LSS: variants seen among roughly 807,000 people sequenced by gnomAD.
LSS encodes lanosterol synthase.
Under a neutral mutation model 110.3 loss-of-function variants are expected in LSS, and 90 were observed. The observed-to-expected ratio is 0.82, with a 90% confidence interval of 0.69 to 0.97. The LOEUF is 0.97. Among genes scored for constraint, LSS ranks in the 50% least tolerant of loss-of-function variants. The pLI is 0.00. For missense variants in LSS, 927 were observed against 990.0 expected, an observed-to-expected ratio of 0.94 and a Z score of 0.85; for synonymous variants, 433 against 400.0, an observed-to-expected ratio of 1.08 and a Z score of -0.98.
chr21:46,221,198 C>T (rs953186171), intron 5 of LSS, among the ~76,000 whole-genome samples: 9 of 141,992 alleles, frequency 6.3e-5, no homozygotes, highest in African/African-American at 1.0e-4. Flanking sequence ...TGGACAGCCC[C>T]GGGCTTGGAG....
chr21:46,215,386 C>T (rs1214581044), intron 8 of LSS, 88 bp from the exon 9 acceptor site: 1 of 766,756 alleles, frequency 1.3e-6, no homozygotes, highest in East Asian at 3.0e-5. Context: ...TGGACTTGCC[C>T]TTCCCAGGGT....
At chr21:46,198,851 A>T (rs2079944326) in intron 17 of LSS, among the ~76,000 whole-genome samples, 1 of 151,480 alleles carries the variant, frequency 6.6e-6, no homozygotes, top group African/African-American at 2.4e-5. Flanking sequence ...AAAAAAAAAA[A>T]ATCTAGACAC....
At chr21:46,211,153 G>A (rs1324674359) in intron 11 of LSS, among the ~76,000 whole-genome samples, 2 of 151,934 alleles carry the variant, frequency 1.3e-5, no homozygotes, top group African/African-American at 4.8e-5. Context: ...TTGAGATGAA[G>A]TCTCGCTCTG....
intron 6 of LSS, among the ~76,000 whole-genome samples, chr21:46,218,514 C>T (rs2080235340): frequency 6.6e-6 from 1 of 151,964 alleles, no homozygotes; most frequent in South Asian, 2.1e-4. Flanking sequence ...ATCCCAGCTA[C>T]TCGGGAGGCA....
Position 46,207,413 on chromosome 21 carries a change from G to A in LSS, c.1467+15C>T. On this transcript the variant is annotated intron_variant, in intron 15 of 21. Transcript: ENST00000397728. ...ACACGAGGTATGGACGGGGCTGCTG[G>A]GACCACAGCCTTACCACAGCCACAG... The A allele has an allele frequency of 6.2e-7, 1 of 1,610,532 alleles. No individual in the cohort carries two copies.
chr21:46,194,241 C>T (rs1361064908), intron 20 of LSS, among the ~76,000 whole-genome samples: 1 of 152,208 alleles, frequency 6.6e-6, no homozygotes, highest in African/African-American at 2.4e-5. Context: ...ACTGACATGG[C>T]TAATGGTGGG....
At chr21:46,195,647 C>T (rs373421743) in intron 19 of LSS, 29 bp downstream of exon 19, 27 of 1,581,014 alleles carry the variant, frequency 1.7e-5, no homozygotes, top group African/African-American at 2.7e-5. Flanking sequence ...TGAGAACCCC[C>T]ACCCACCAGA....
Position 46,228,482 on chromosome 21 carries a change from G to C in LSS, c.132C>G (p.Ala44=), listed in dbSNP as rs750777234. Residue 44 remains alanine (A), a synonymous_variant, in exon 2 of 22, where the codon GCC becomes GCG. Transcript: ENST00000397728. ...CTTCCAGGCCGGTCTGCTCGCGGCC[G>C]GCGCGCTCGTCCTGCAGGTAGGTCC... ...QTWTYLQDER[A]GREQTGLEAY... The C allele has an allele frequency of 2.5e-6, 4 of 1,603,276 alleles. No individual in the cohort carries two copies. The African/African-American group carries it at 4.0e-5, about 16-fold the overall frequency.
chr21:46,206,321 C>G (rs2080048113), intron 16 of LSS, among the ~76,000 whole-genome samples: 1 of 152,178 alleles, frequency 6.6e-6, no homozygotes, highest in African/African-American at 2.4e-5. Context: ...ACAGTCCCCA[C>G]AGTCCCCAAA....
intron 5 of LSS, among the ~76,000 whole-genome samples, chr21:46,221,195 C>T (rs1476039930): frequency 1.4e-5 from 2 of 147,656 alleles, no homozygotes; most frequent in Non-Finnish European, 3.0e-5. Context: ...AGGTGGACAG[C>T]CCCGGGCTTG....
intron 1 of LSS, 43 bp downstream of exon 1, chr21:46,228,689 G>A (rs1230679195): frequency 1.9e-6 from 3 of 1,602,052 alleles, no homozygotes; most frequent in Non-Finnish European, 1.7e-6. Context: ...CAGCACCTAG[G>A]ACCACCCCGC....
rs773761688 is a variant in LSS, at chr21:46,196,256, G to T, written c.1682C>A (p.Thr561Lys). The change falls in exon 18 of 22, where the codon ACG becomes AAG. Residue 561 changes from threonine (T) to lysine (K), a missense_variant. Physicochemically the swap from Thr to Lys is moderately conservative, Grantham distance 78. Transcript: ENST00000397728. Reference sequence around the variant, plus strand: ...CCGCCGACAGAACTCTAAGCCCTGCGTGAGGGTCTCCCTGGAACACGAGAT... The same window carrying T: ...CCGCCGACAGAACTCTAAGCCCTGCTTGAGGGTCTCCCTGGAACACGAGAT... Reference protein sequence around the residue: ...HRAAEIRETLTQGLEFCRRQQ... With the variant: ...HRAAEIRETLKQGLEFCRRQQ... 6.2e-7 allele frequency: 1 copy of T among 1,613,982 alleles called. No individual in the cohort carries two copies. Among genetic ancestry groups the T allele is most frequent in the Non-Finnish European group, 8.5e-7 (1 of 1,180,008 alleles).
At chr21:46,207,979 G>A (rs947087807) in intron 14 of LSS, among the ~76,000 whole-genome samples, 6 of 152,202 alleles carry the variant, frequency 3.9e-5, no homozygotes, top group East Asian at 1.9e-4. Flanking sequence ...GCTACACTTC[G>A]GCTGTCCTTC....
intron 11 of LSS, 44 bp downstream of exon 11, chr21:46,212,981 A>G (rs1164668509): frequency 1.2e-6 from 2 of 1,612,396 alleles, no homozygotes; most frequent in Non-Finnish European, 1.7e-6. Context: ...AAGGGGAGAC[A>G]TGATTGCAAA....
intron 3 of LSS, 28 bp downstream of exon 3, chr21:46,227,524 C>G (rs765782873): frequency 1.9e-6 from 3 of 1,612,982 alleles, no homozygotes; most frequent in Non-Finnish European, 2.5e-6. Context: ...GGTGGCCATA[C>G]CATCAGGCTG....
chr21:46,220,193 C>T (rs1231445860), intron 5 of LSS: 1 of 152,342 alleles, frequency 6.6e-6, no homozygotes, highest in African/African-American at 2.4e-5. Context: ...ATGCAAAAGT[C>T]AATAAAGACC....
rs2080210950 is a variant in LSS at position 46,216,575 on chromosome 21, C to G, written c.648-51G>C. 1 of 1,494,560 alleles carries G rather than the reference C, an allele frequency of 6.7e-7. No homozygotes were observed. The highest frequency in any genetic ancestry group is 9.0e-7 in the Non-Finnish European group (1 of 1,117,148). The allele number at this position is 1,494,560 out of a possible 1,614,324, so 92.6% of individuals were successfully genotyped here. On this transcript the variant is annotated intron_variant, in intron 6 of 21. Coordinates refer to ENST00000397728, the MANE Select transcript of LSS (RefSeq NM_002340.6). This position sits in a 1 kb window ranked among gnomAD's most constrained non-coding sequence, Gnocchi z 4.2. Reference sequence around the variant, plus strand: ...GAGACCCCAAGACTCAAGCCTGCCCCCTCCGCCAGCATCCATACCTTGGGC... The same window carrying G: ...GAGACCCCAAGACTCAAGCCTGCCCGCTCCGCCAGCATCCATACCTTGGGC...
rs1457409170 is a variant in LSS at position 46,189,523 on chromosome 21, G to A, written c.*1581C>T. 5 of 382,344 alleles carry A rather than the reference G, an allele frequency of 1.3e-5. No individual in the cohort carries two copies. Among genetic ancestry groups the A allele is most frequent in the Non-Finnish European group, 2.6e-5 (5 of 191,534 alleles). 23.7% of individuals were successfully genotyped at this position (382,344 alleles called of 1,614,324 possible). ...GGCAGGCGAGTCCCAAGGAGAGTCA[G>A]TGACAGCACATGGGGCAAGGGAGCT... On this transcript the variant is annotated 3_prime_UTR_variant, in exon 22 of 22. Transcript: ENST00000397728.
Position 46,215,249 on chromosome 21 carries a change from C to T in LSS, c.942G>A (p.Arg314=). ...EHHHSAHLRQ[R]AVQKLYEHIV... ...TGTGTTCATACAGCTTCTGCACGGC[C>T]CGCTGCCGCAGGTGGGCACTGTGGT... The change falls in exon 9 of 22, where the codon CGG becomes CGA. Residue 314 remains arginine (R), a synonymous_variant. Coordinates refer to ENST00000397728, the MANE Select transcript of LSS (RefSeq NM_002340.6). 1 of 1,611,186 alleles carries T rather than the reference C, an allele frequency of 6.2e-7. No homozygotes were observed. The highest frequency in any genetic ancestry group is 8.5e-7 in the Non-Finnish European group (1 of 1,179,902).
Sources: allele counts gnomAD v4.1 joint callset (sites outside exome capture counted in the v4.1 genomes callset), GRCh38; gene constraint gnomAD v4.1.1; non-coding constraint Gnocchi (gnomAD v3.1); transcripts MANE v1.5; gene names NCBI Gene and HGNC (gene_info 2026-07-23, HGNC 2026-07-21).